The following DSC1 variants were observed in gnomAD, a reference collection of about 807,000 sequenced individuals.
DSC1 encodes the protein desmocollin-1.
A neutral mutation model predicts 98.8 loss-of-function variants in DSC1; 79 were observed. The observed-to-expected ratio is 0.80, with a 90% CI of 0.67 to 0.96. The LOEUF is 0.96. Ranked by LOEUF, DSC1 falls within the 50% of genes least tolerant of loss-of-function variation. The pLI is 0.00. For missense variants in DSC1, 1,115 were observed against 1,075.9 expected, an observed-to-expected ratio of 1.04 and a Z score of -0.51; for synonymous variants, 405 against 372.1, an observed-to-expected ratio of 1.09 and a Z score of -1.02.
chr18:31,148,838 G>A (rs187939726), intron 5 of DSC1, among the ~76,000 whole-genome samples, 196 bp from the exon 6 acceptor site: 8 of 152,140 alleles, frequency 5.3e-5, no homozygotes, highest in Admixed American at 2.6e-4. Context: ...CCCTCTCAGC[G>A]TTATTGCTCA....
At chr18:31,150,394 CA>C (rs1988969889) in intron 5 of DSC1, among the ~76,000 whole-genome samples, 2 of 83,032 alleles carry the variant, frequency 2.4e-5, no homozygotes, top group African/African-American at 3.9e-5. Context: ...CCATCACCAC[CA>C]TTATCACCAC....
At chr18:31,146,739 G>A (rs1179018420) in intron 6 of DSC1, among the ~76,000 whole-genome samples, 3 of 152,040 alleles carry the variant, frequency 2.0e-5, no homozygotes, top group Non-Finnish European at 4.4e-5. Context: ...TTTTTGAATG[G>A]GACCTTCTCT....
At chr18:31,155,490 C>G (rs1989078265) in intron 4 of DSC1, among the ~76,000 whole-genome samples, 1 of 147,756 alleles carries the variant, frequency 6.8e-6, no homozygotes, top group Admixed American at 6.8e-5. Flanking sequence ...ATTAGCTGGG[C>G]TTCGTGGTGG....
rs747300844 is a variant in DSC1, at chr18:31,148,651, A to C, written c.628-9T>G. Reference sequence around the variant, plus strand: ...GTTGCATAGCCATATAACTGAAAGAAGGGAAAATACCATCAATGTATTCTC... The same window carrying C: ...GTTGCATAGCCATATAACTGAAAGACGGGAAAATACCATCAATGTATTCTC... On this transcript the variant is annotated splice_polypyrimidine_tract_variant and intron_variant, in intron 5 of 15. Transcript: ENST00000257198. 1 of 1,567,690 alleles carries C rather than the reference A, an allele frequency of 6.4e-7. No individual in the cohort carries two copies. The highest frequency in any genetic ancestry group is 2.3e-5 in the East Asian group (1 of 44,118).
intron 3 of DSC1, among the ~76,000 whole-genome samples, chr18:31,156,860 A>G (rs967164733): frequency 2.0e-5 from 3 of 152,300 alleles, no homozygotes; most frequent in South Asian, 2.1e-4. Flanking sequence ...TAAACATTCA[A>G]ATCAATTCTG....
chr18:31,143,686 C>T lies in DSC1; in HGVS notation c.1045G>A (p.Asp349Asn), dbSNP rs375329283. 7.5e-6 allele frequency: 12 copies of T among 1,591,338 alleles called. No homozygotes were observed. The highest frequency in any genetic ancestry group is 9.4e-6 in the Non-Finnish European group (11 of 1,168,082). ...TITISLEDENDNPPSFTETSY... is the reference protein window; with the variant it reads ...TITISLEDENNNPPSFTETSY... ...GTTTCTGTGAAAGATGGTGGATTGT[C>T]ATTTTCATCCTCAAGTGAAATAGTA... is the stretch of plus-strand genomic sequence containing the variant. Residue 349 changes from aspartate to asparagine, a missense_variant, in exon 8 of 16, where the codon GAC becomes AAC. Asp to Asn is a conservative substitution (Grantham distance 23). Transcript: ENST00000257198.
rs1273240213 is a variant in DSC1, at chr18:31,131,763, C to G, written c.2318G>C (p.Gly773Ala). The G allele has an allele frequency of 1.9e-6, 3 of 1,613,984 alleles. No homozygotes were observed. Among genetic ancestry groups the G allele is most frequent in the Non-Finnish European group, 2.5e-6 (3 of 1,180,002 alleles). ...SMSVGTVGGQ[G>A]IKTQQSFEMV... Reference sequence around the variant, plus strand: ...CTCAAAACTTTGCTGTGTTTTGATTCCCTGGCCACCAACAGTACCAACAGA... The same window carrying G: ...CTCAAAACTTTGCTGTGTTTTGATTGCCTGGCCACCAACAGTACCAACAGA... Residue 773 changes from glycine (G) to alanine (A), a missense_variant, in exon 15 of 16, where the codon GGA becomes GCA. By Grantham distance (60) the Gly-to-Ala change is moderately conservative (BLOSUM62 0). Coordinates refer to ENST00000257198, the MANE Select transcript of DSC1 (RefSeq NM_024421.2).
chr18:31,134,738 G>T lies in DSC1; in HGVS notation c.1710C>A (p.Tyr570Ter). 6.2e-7 allele frequency: 1 copy of T among 1,613,132 alleles called. No homozygotes were observed. The highest frequency in any genetic ancestry group is 8.5e-7 in the Non-Finnish European group (1 of 1,179,434). The change falls in exon 12 of 16, where the codon TAC (tyrosine) becomes TAA (stop). Residue 570 changes from tyrosine (Y) to a stop codon, truncating the protein, a stop_gained. Transcript: ENST00000257198. LOFTEE classifies it high-confidence loss of function. ...TGTCAATTTGAGGTGCGTGATCGTT[G>T]TAATCATCCAAATGAACTACTAATG... is the stretch of plus-strand genomic sequence containing the variant. ...TGTLVVHLDD[Y>*]NDHAPQIDKE...
chr18:31,139,760 C>A lies in DSC1; in HGVS notation c.1651G>T (p.Ala551Ser). 6.2e-7 allele frequency: 1 copy of A among 1,600,252 alleles called. No homozygotes were observed. The highest frequency in any genetic ancestry group is 8.5e-7 in the Non-Finnish European group (1 of 1,175,056). Residue 551 changes from alanine to serine, a missense_variant, in exon 11 of 16, where the codon GCA becomes TCA. By Grantham distance (99) the Ala-to-Ser change is moderately conservative. Coordinates refer to ENST00000257198, the MANE Select transcript of DSC1 (RefSeq NM_024421.2). Reference sequence around the variant, plus strand: ...AAATGGCACTCACCTGCATCCACTGCAACAACTGAAATATTGTATTGGTTG... The same window carrying A: ...AAATGGCACTCACCTGCATCCACTGAAACAACTGAAATATTGTATTGGTTG... The part of the protein sequence containing the change: ...KNNQYNISVV[A>S]VDAVGRSCTG...
Position 31,133,879 on chromosome 18 carries a change from T to A in DSC1, c.2116+12A>T, listed in dbSNP as rs766745644. 47 of 1,602,638 alleles carry A rather than the reference T, an allele frequency of 2.9e-5. No individual in the cohort carries two copies. The South Asian group carries it at 5.0e-4, about 17-fold the overall frequency. ...CTAACACATTCTAGATAATGATACT[T>A]AATATACTTACATAATAACAATACA... On this transcript the variant is annotated intron_variant, in intron 13 of 15. Coordinates refer to ENST00000257198, the MANE Select transcript of DSC1 (RefSeq NM_024421.2).
At chr18:31,148,186 A>G (rs1988886703) in intron 6 of DSC1, among the ~76,000 whole-genome samples, 1 of 152,168 alleles carries the variant, frequency 6.6e-6, no homozygotes, top group East Asian at 1.9e-4. Context: ...AACTTCAGCA[A>G]CAACCCCACC....
intron 5 of DSC1, among the ~76,000 whole-genome samples, chr18:31,152,337 G>GAAAGTT (rs1007661471): frequency 4.7e-4 from 71 of 152,152 alleles, no homozygotes; most frequent in African/African-American, 1.6e-3. Context: ...AATTGTTGAA[G>GAAAGTT]AAAGTTCCCT....
At chr18:31,131,927 C>A in intron 14 of DSC1, 85 bp from the exon 15 acceptor site, 1 of 1,441,000 alleles carries the variant, frequency 6.9e-7, no homozygotes, top group South Asian at 1.3e-5. Context: ...ATAGGCAAAT[C>A]ACTTGCCTGC....
In DSC1 at chr18:31,145,654, T is replaced by A; in HGVS notation, c.896A>T (p.Asp299Val). The change falls in exon 7 of 16, where the codon GAT becomes GTT. Residue 299 changes from aspartate (D) to valine (V), a missense_variant. Coordinates refer to ENST00000257198, the MANE Select transcript of DSC1 (RefSeq NM_024421.2). ...TGTAGTTGTGGTGATGACACCGGTA[T>A]CTGGGTGTATGGAGAAATGCTTTGG... is the stretch of plus-strand genomic sequence containing the variant. Reference protein sequence around the residue: ...DHPKHFSIHPDTGVITTTTPF... With the variant: ...DHPKHFSIHPVTGVITTTTPF... The A allele has an allele frequency of 6.2e-7, 1 of 1,614,182 alleles. No homozygotes were observed. Among genetic ancestry groups the A allele is most frequent in the Non-Finnish European group, 8.5e-7 (1 of 1,180,014 alleles).
chr18:31,160,560 T>C (rs1989189986), intron 1 of DSC1, among the ~76,000 whole-genome samples: 1 of 152,044 alleles, frequency 6.6e-6, no homozygotes, highest in African/African-American at 2.4e-5. Flanking sequence ...AGTTTGTAAT[T>C]TTACAAAAAT....
At chr18:31,158,901 T>C (rs139130698) in intron 2 of DSC1, among the ~76,000 whole-genome samples, 11 of 152,204 alleles carry the variant, frequency 7.2e-5, no homozygotes, top group Middle Eastern at 3.4e-3. Flanking sequence ...TCCAAGATAA[T>C]TGAGCCTTCT....
Position 31,132,342 on chromosome 18 carries a change from T to C in DSC1, c.2238+226A>G, listed in dbSNP as rs915292971. Reference sequence around the variant, plus strand: ...CTCTGATTTCTAGTCTCCAGATCTGTGAAACAATACTTGTCTGTTGTTTAA... The same window carrying C: ...CTCTGATTTCTAGTCTCCAGATCTGCGAAACAATACTTGTCTGTTGTTTAA... On this transcript the variant is annotated intron_variant, in intron 14 of 15. Coordinates refer to ENST00000257198, the MANE Select transcript of DSC1 (RefSeq NM_024421.2). The C allele has an allele frequency of 1.7e-5, 8 of 468,312 alleles. No individual in the cohort carries two copies. In the Admixed American group the frequency reaches 2.8e-4, roughly 16 times the overall value. 29.0% of individuals were successfully genotyped at this position (468,312 alleles called of 1,614,324 possible). A position where few individuals can be genotyped will look rare whatever the true frequency, so the allele number is the denominator to read the frequency against.
intron 1 of DSC1, among the ~76,000 whole-genome samples, chr18:31,161,429 AC>A (rs2143939665): frequency 6.6e-6 from 1 of 151,600 alleles, no homozygotes; most frequent in Admixed American, 6.6e-5. Flanking sequence ...TTCCACTCCC[AC>A]CCCCATCTTC....
At position 31,129,497 on chromosome 18, in the gene DSC1, A is replaced by G. The variant is rs1988438712; in HGVS notation, c.*1017T>C. On this transcript the variant is annotated 3_prime_UTR_variant, in exon 16 of 16. Coordinates refer to ENST00000257198, the MANE Select transcript of DSC1 (RefSeq NM_024421.2). ...TTAAAGTAACTGTAAATTTAGGCTG[A>G]GTCTTAAGTTCTAATACAGATGGTA... 1 of 152,094 alleles carries G rather than the reference A, an allele frequency of 6.6e-6. No individual in the cohort carries two copies. Among genetic ancestry groups the G allele is most frequent in the African/African-American group, 2.4e-5 (1 of 41,408 alleles). 9.4% of individuals were successfully genotyped at this position (152,094 alleles called of 1,614,324 possible).
Sources: allele counts gnomAD v4.1 joint callset (sites outside exome capture counted in the v4.1 genomes callset), GRCh38; gene constraint gnomAD v4.1.1; transcripts MANE v1.5; gene names NCBI Gene and HGNC (gene_info 2026-07-23, HGNC 2026-07-21).